Variants in NAPA observed in about 807,000 individuals in gnomAD.
The protein encoded by NAPA is alpha-soluble NSF attachment protein.
A neutral mutation model predicts 48.0 loss-of-function variants in NAPA; 18 were observed. The ratio of observed to expected loss-of-function variants is 0.38; its 90% CI spans 0.26 to 0.56. The LOEUF (loss-of-function observed/expected upper bound fraction) is 0.56. Among genes scored for constraint, NAPA ranks in the 20% least tolerant of loss-of-function variants. NAPA has a pLI of 0.77. For synonymous variants in NAPA, 152 were observed against 149.9 expected, an observed-to-expected ratio of 1.01 and a Z score of -0.10; for missense variants, 315 against 385.0, an observed-to-expected ratio of 0.82 and a Z score of 1.52.
downstream of NAPA, among the ~76,000 whole-genome samples, chr19:47,486,712 T>C (rs1256585325): frequency 6.6e-6 from 1 of 152,226 alleles, no homozygotes; most frequent in Non-Finnish European, 1.5e-5. Flanking sequence ...CCAGCACCCA[T>C]GATGGGGGCA....
rs1318036306 is a variant in NAPA at position 47,513,672 on chromosome 19, T to C, written c.98+1171A>G. Among the ~76,000 whole-genome samples the C allele has an allele frequency of 2.0e-5, 3 of 151,932 alleles. No individual in the cohort carries two copies. The East Asian group carries it at 5.8e-4, about 30-fold the overall frequency. On this transcript the variant is annotated intron_variant, in intron 1 of 10. Coordinates refer to ENST00000263354, the MANE Select transcript of NAPA (RefSeq NM_003827.4). ...CTTCTCAGCATGTCTCTGTCATCCCTATTACTCGAGGATCACACAGCAGGA... is the reference window on the plus strand; with the variant it reads ...CTTCTCAGCATGTCTCTGTCATCCCCATTACTCGAGGATCACACAGCAGGA...
chr19:47,511,801 C>G (rs759622966), intron 1 of NAPA, among the ~76,000 whole-genome samples: 7 of 152,358 alleles, frequency 4.6e-5, no homozygotes, highest in Non-Finnish European at 7.4e-5. Flanking sequence ...CTGGCCCAGG[C>G]CAGGGTCTGA....
chr19:47,503,263 G>A (rs186013073), intron 2 of NAPA, 160 bp downstream of exon 2: 1 of 663,234 alleles, frequency 1.5e-6, no homozygotes. Context: ...AAGTAACCCA[G>A]CAGGCACAAA....
rs147368047 is a variant in NAPA at position 47,509,814 on chromosome 19, C to T, written c.98+5029G>A. Among the ~76,000 whole-genome samples, 661 of 152,282 alleles carry T rather than the reference C, an allele frequency of 4.3e-3. 3 individuals carry two copies. Among genetic ancestry groups the T allele is most frequent in the Non-Finnish European group, 6.8e-3 (463 of 68,032 alleles). Reference sequence around the variant, plus strand: ...GCCACACGGCACACAGCCTGGCAGGCGCCCTGTTTCTTATTTTCTTATACG... The same window carrying T: ...GCCACACGGCACACAGCCTGGCAGGTGCCCTGTTTCTTATTTTCTTATACG... On this transcript the variant is annotated intron_variant, in intron 1 of 10. Coordinates refer to ENST00000263354, the MANE Select transcript of NAPA (RefSeq NM_003827.4).
At chr19:47,489,356 G>A (rs915163703) in intron 10 of NAPA, 1 of 289,958 alleles carries the variant, frequency 3.4e-6, no homozygotes, top group Non-Finnish European at 6.6e-6. Flanking sequence ...TGTGCCTCCT[G>A]GGTGCCCAAG....
At chr19:47,496,748 G>A in intron 3 of NAPA, 1 of 377,284 alleles carries the variant, frequency 2.7e-6, no homozygotes, top group Non-Finnish European at 5.4e-6. Context: ...CCCTCCGTGG[G>A]GAGGCATCTG....
rs952556343 is a variant in NAPA at position 47,507,771 on chromosome 19, C to T, written c.99-4269G>A. ...CTCCCAGGCACTCCCCTGGAAGGAG[C>T]CCACAGCTCCTCACGAGAGCCCTTT... On this transcript the variant is annotated intron_variant, in intron 1 of 10. Transcript: ENST00000263354. 1.4e-4 allele frequency among the ~76,000 whole-genome samples: 22 copies of T among 152,292 alleles called. 1 individual carries two copies. Among genetic ancestry groups the T allele is most frequent in the Non-Finnish European group, 7.4e-5 (5 of 68,014 alleles).
At chr19:47,496,979 C>G in intron 3 of NAPA, 1 of 357,174 alleles carries the variant, frequency 2.8e-6, no homozygotes, top group Non-Finnish European at 5.8e-6. Flanking sequence ...TGGCAGCAGA[C>G]AGTGGAAACG....
chr19:47,495,214 G>A (rs536297918), intron 4 of NAPA: 3 of 356,516 alleles, frequency 8.4e-6, no homozygotes, highest in East Asian at 1.0e-4. Flanking sequence ...GGCTGGTCTC[G>A]AACTCCTGTG....
intron 4 of NAPA, among the ~76,000 whole-genome samples, chr19:47,494,253 G>A (rs1383029999): frequency 1.3e-5 from 2 of 152,216 alleles, no homozygotes; most frequent in African/African-American, 2.4e-5. Flanking sequence ...ACTAAGGAAC[G>A]GGGATGACAA....
rs1474728067 is a variant in NAPA at position 47,487,686 on chromosome 19, TCCAA to T, written c.*598_*601del. The T allele has an allele frequency of 6.6e-6, 1 of 152,386 alleles. No homozygotes were observed. Among genetic ancestry groups the T allele is most frequent in the African/African-American group, 2.4e-5 (1 of 41,426 alleles). The allele number at this position is 152,386 out of a possible 1,614,324, so 9.4% of individuals were successfully genotyped here. On this transcript the variant is annotated 3_prime_UTR_variant, in exon 11 of 11. Coordinates refer to ENST00000263354, the MANE Select transcript of NAPA (RefSeq NM_003827.4). ...TTTCTTTCTTGGGCCAGCTGCAGCT[TCCAA>T]CCAAGAAAACCTCAAAGCATTAGGG...
chr19:47,485,964 A>T (rs1236217174), downstream of NAPA, among the ~76,000 whole-genome samples: 2 of 152,186 alleles, frequency 1.3e-5, no homozygotes, highest in Non-Finnish European at 2.9e-5. Context: ...TGAGCGGATG[A>T]ATGAAAAAAT....
rs1462680016 is a variant in NAPA at position 47,487,651 on chromosome 19, T to G, written c.*637A>C. On this transcript the variant is annotated 3_prime_UTR_variant, in exon 11 of 11. Coordinates refer to ENST00000263354, the MANE Select transcript of NAPA (RefSeq NM_003827.4). ...GGAAGAGAGACTCATGCAAAAGTGT[T>G]GTTTTTTATTTTCTTTCTTGGGCCA... The G allele has an allele frequency of 6.6e-6, 1 of 152,414 alleles. No individual in the cohort carries two copies. Among genetic ancestry groups the G allele is most frequent in the Non-Finnish European group, 1.5e-5 (1 of 68,188 alleles). 9.4% of individuals were successfully genotyped at this position (152,414 alleles called of 1,614,324 possible).
intron 1 of NAPA, among the ~76,000 whole-genome samples, chr19:47,513,935 T>C (rs537382571): frequency 0.025 from 840 of 33,296 alleles, 9 homozygotes; most frequent in African/African-American, 0.037. Flanking sequence ...CTGCAACCTC[T>C]ACCTCCGGGT....
rs1968750594 is a variant in NAPA, at chr19:47,509,077, C to A, written c.99-5575G>T. ...GGCAACAGAACAAGACCCTGTCTCT[C>A]AAAAAATGAAAAATGAAATAAAATG... On this transcript the variant is annotated intron_variant, in intron 1 of 10. Transcript: ENST00000263354. Among the ~76,000 whole-genome samples the A allele has an allele frequency of 2.0e-5, 3 of 151,774 alleles. No individual in the cohort carries two copies. The South Asian group carries it at 6.2e-4, about 31-fold the overall frequency.
chr19:47,488,433 C>T, intron 10 of NAPA, 44 bp from the exon 11 acceptor site: 1 of 1,511,640 alleles, frequency 6.6e-7, no homozygotes, highest in Non-Finnish European at 9.2e-7. Flanking sequence ...TCCCCCCGTT[C>T]CCAACCCTGC....
intron 4 of NAPA, 103 bp downstream of exon 4, chr19:47,495,447 G>T: frequency 7.7e-7 from 1 of 1,299,164 alleles, no homozygotes; most frequent in Non-Finnish European, 1.1e-6. Flanking sequence ...CAAGTGGTTT[G>T]GCCGCAGAAT....
At position 47,493,422 on chromosome 19, in the gene NAPA, G is replaced by C; in HGVS notation, c.414C>G (p.Ile138Met). 6.2e-7 allele frequency: 1 copy of C among 1,613,962 alleles called. No individual in the cohort carries two copies. Among genetic ancestry groups the C allele is most frequent in the Non-Finnish European group, 8.5e-7 (1 of 1,179,942 alleles). The change falls in exon 5 of 11, where the codon ATC becomes ATG. Residue 138 changes from isoleucine to methionine, a missense_variant. By Grantham distance (10) the Ile-to-Met change is conservative (BLOSUM62 1). Around this residue, in one of 3 missense-constraint regions of NAPA, gnomAD observed 173 missense variants for 213.5 expected, o/e 0.81. Transcript: ENST00000263354. This position sits in a 1 kb window ranked among gnomAD's most constrained non-coding sequence, Gnocchi z 6.4. ...GGGCCCTGCTGCCACTCACCTTCTC[G>C]ATGTCCACCAACTCTGTCTCATAGA... ...AEIYETELVD[I>M]EKAIAHYEQS...
At chr19:47,490,703 A>G in intron 9 of NAPA, 85 bp downstream of exon 9, 1 of 1,122,380 alleles carries the variant, frequency 8.9e-7, no homozygotes, top group Non-Finnish European at 1.3e-6. Flanking sequence ...ACTACTGGAC[A>G]AGTCTTGGCG....
Sources: allele counts gnomAD v4.1 joint callset (sites outside exome capture counted in the v4.1 genomes callset), GRCh38; gene constraint gnomAD v4.1.1; regional missense constraint gnomAD v4.1.1; non-coding constraint Gnocchi (gnomAD v3.1); transcripts MANE v1.5; gene names NCBI Gene and HGNC (gene_info 2026-07-23, HGNC 2026-07-21).